Variants in PPARGC1B observed in about 807,000 individuals in gnomAD.
PPARGC1B encodes peroxisome proliferator-activated receptor gamma coactivator 1-beta.
PPARGC1B carries 34 observed loss-of-function variants against 101.6 expected under a neutral mutation model. The ratio of observed to expected loss-of-function variants is 0.33; its 90% CI spans 0.25 to 0.45. The LOEUF is 0.45. Among genes scored for constraint, PPARGC1B ranks in the 20% least tolerant of loss-of-function variants. The pLI is 1.00. For missense variants in PPARGC1B, 1,234 were observed against 1,317.6 expected (o/e 0.94, Z 0.98); for synonymous variants, 548 against 539.3 (o/e 1.02, Z -0.22).
Position 149,832,710 on chromosome 5 carries a change from T to C in PPARGC1B, c.637T>C (p.Cys213Arg), listed in dbSNP as rs1202567174. 10 of 1,578,030 alleles carry C rather than the reference T, an allele frequency of 6.3e-6. 1 individual carries two copies. The South Asian group carries it at 1.0e-4, about 16-fold the overall frequency. ...CATGATGCAGTCTCAGAGCCGAAGT[T>C]GTACAGAACTACATAAGCACCTCAC... ...APMMQSQSRS[C>R]TELHKHLTSA... is the part of the protein sequence containing the mutation. Residue 213 changes from cysteine (C) to arginine (R), a missense_variant, in exon 5 of 12, where the codon TGT (cysteine) becomes CGT (arginine). Physicochemically the swap from Cys to Arg is radical, Grantham distance 180. Coordinates refer to ENST00000309241, the MANE Select transcript of PPARGC1B (RefSeq NM_133263.4). The surrounding 1 kb of genome is among the most constrained non-coding windows in gnomAD (Gnocchi z 4.9).
At chr5:149,830,055 GA>G (rs71587791) in intron 3 of PPARGC1B, among the ~76,000 whole-genome samples, 21,456 of 89,522 alleles carry the variant, frequency 0.24, 2,125 homozygotes, top group African/African-American at 0.36. Flanking sequence ...AAAAAAAAAA[GA>G]AAAAAAAAAA....
Position 149,730,393 on chromosome 5 carries a change from C to T in PPARGC1B, c.51C>T (p.Phe17=). The change falls in exon 1 of 12, where the codon TTC becomes TTT. Residue 17 remains phenylalanine, a synonymous_variant. Coordinates refer to ENST00000309241, the MANE Select transcript of PPARGC1B (RefSeq NM_133263.4). The surrounding 1 kb of genome is among the most constrained non-coding windows in gnomAD (Gnocchi z 4.0). The part of the protein sequence containing the change: ...GALLDEELSS[F]FLNYLADTQG... ...TGCTGGACGAAGAGCTCTCCTCCTTCTTCCTCAACTATCTCGCTGACACGC... is the reference window on the plus strand; with the variant it reads ...TGCTGGACGAAGAGCTCTCCTCCTTTTTCCTCAACTATCTCGCTGACACGC... 1 of 1,573,312 alleles carries T rather than the reference C, an allele frequency of 6.4e-7. No homozygotes were observed. Among genetic ancestry groups the T allele is most frequent in the African/African-American group, 1.4e-5 (1 of 71,798 alleles).
chr5:149,769,522 A>C (rs532080806), intron 1 of PPARGC1B, among the ~76,000 whole-genome samples: 1 of 152,124 alleles, frequency 6.6e-6, no homozygotes, highest in South Asian at 2.1e-4. Flanking sequence ...TGGCTGAGAG[A>C]CACCCCCTAC....
chr5:149,812,454 G>A (rs1173977872), intron 1 of PPARGC1B, among the ~76,000 whole-genome samples: 2 of 152,054 alleles, frequency 1.3e-5, no homozygotes, highest in Middle Eastern at 3.2e-3. Flanking sequence ...AGGTAAGAGA[G>A]ATGAATAAGT....
chr5:149,824,933 G>A (rs1380058404), intron 2 of PPARGC1B, among the ~76,000 whole-genome samples: 1 of 152,220 alleles, frequency 6.6e-6, no homozygotes. Context: ...CTGCTGCTCC[G>A]GCTGTAAGGC....
At chr5:149,819,087 G>A (rs921011945) in intron 1 of PPARGC1B, among the ~76,000 whole-genome samples, 5 of 152,370 alleles carry the variant, frequency 3.3e-5, no homozygotes, top group African/African-American at 1.2e-4. Context: ...ATTGGCTTCT[G>A]ATTCAGTAGC....
In PPARGC1B at chr5:149,808,219, C is replaced by G. The variant is rs6892888; in HGVS notation, c.79-12214C>G. Among the ~76,000 whole-genome samples the G allele has an allele frequency of 2.6e-3, 390 of 152,228 alleles. 2 individuals are homozygous for G. The highest frequency in any genetic ancestry group is 9.0e-3 in the African/African-American group (373 of 41,530). On this transcript the variant is annotated intron_variant, in intron 1 of 11. Coordinates refer to ENST00000309241, the MANE Select transcript of PPARGC1B (RefSeq NM_133263.4). ...TTTTAAAATTGCATTAAAATATGAT[C>G]TACCTTGATGACTGAGTATTTTGAT...
rs1759874001 is a variant in PPARGC1B at position 149,854,162 on chromosome 5, G to A, written c.*6604G>A. On this transcript the variant is annotated 3_prime_UTR_variant, in exon 12 of 12. Transcript: ENST00000309241. Reference sequence around the variant, plus strand: ...CAGCCTAGAGAATTCTGAGCAATAGGAGCCAGGGCTTTCCCTGACTCTGCG... The same window carrying A: ...CAGCCTAGAGAATTCTGAGCAATAGAAGCCAGGGCTTTCCCTGACTCTGCG... 1 of 152,160 alleles carries A rather than the reference G, an allele frequency of 6.6e-6. No individual in the cohort carries two copies. The highest frequency in any genetic ancestry group is 1.5e-5 in the Non-Finnish European group (1 of 68,036). 9.4% of individuals were successfully genotyped at this position (152,160 alleles called of 1,614,324 possible).
chr5:149,739,731 C>T (rs1018032999), intron 1 of PPARGC1B, among the ~76,000 whole-genome samples: 2 of 152,204 alleles, frequency 1.3e-5, no homozygotes, highest in Non-Finnish European at 1.5e-5. Context: ...AGGTCTACCA[C>T]CACCCCTGGA....
intron 1 of PPARGC1B, among the ~76,000 whole-genome samples, chr5:149,736,100 C>G (rs1754697596): frequency 1.3e-5 from 2 of 152,126 alleles, no homozygotes; most frequent in Non-Finnish European, 2.9e-5. Flanking sequence ...TGAGATTGCA[C>G]CACTGCACTC....
intron 1 of PPARGC1B, among the ~76,000 whole-genome samples, chr5:149,777,307 T>A (rs749501347): frequency 6.6e-6 from 1 of 152,114 alleles, no homozygotes; most frequent in Non-Finnish European, 1.5e-5. Context: ...TGTGGAAACT[T>A]TAGAGGGAAG....
chr5:149,827,005 A>T, intron 3 of PPARGC1B, 120 bp downstream of exon 3: 2 of 795,954 alleles, frequency 2.5e-6, no homozygotes, highest in Non-Finnish European at 4.1e-6. Flanking sequence ...ATCACTGGCA[A>T]TATTGATCAC....
rs896874261 is a variant in PPARGC1B, at chr5:149,849,001, C to A, written c.*1443C>A. ...TTTCCAGCTTAATGTTCTGTGGGTA[C>A]CTTGGGGGCCATTCATGCAGGGAGC... On this transcript the variant is annotated 3_prime_UTR_variant, in exon 12 of 12. Coordinates refer to ENST00000309241, the MANE Select transcript of PPARGC1B (RefSeq NM_133263.4). The A allele has an allele frequency of 1.3e-5, 2 of 152,106 alleles. No homozygotes were observed. Among genetic ancestry groups the A allele is most frequent in the Non-Finnish European group, 2.9e-5 (2 of 68,002 alleles). 9.4% of individuals were successfully genotyped at this position (152,106 alleles called of 1,614,324 possible). A position where few individuals can be genotyped will look rare whatever the true frequency, so the allele number is the denominator to read the frequency against.
rs558359440 is a variant in PPARGC1B, at chr5:149,823,844, G to A, written c.253-2829G>A. 2.6e-4 allele frequency among the ~76,000 whole-genome samples: 39 copies of A among 152,182 alleles called. No individual in the cohort carries two copies. The South Asian group carries it at 5.6e-3, about 22-fold the overall frequency. Reference sequence around the variant, plus strand: ...TTGATGGGTGCTTCTTGAGGTCTTCGCCATTTTGGACTCATTTCAGCACCG... The same window carrying A: ...TTGATGGGTGCTTCTTGAGGTCTTCACCATTTTGGACTCATTTCAGCACCG... On this transcript the variant is annotated intron_variant, in intron 2 of 11. Transcript: ENST00000309241.
chr5:149,798,113 T>A (rs560965937), intron 1 of PPARGC1B, among the ~76,000 whole-genome samples: 1 of 152,330 alleles, frequency 6.6e-6, no homozygotes, highest in East Asian at 1.9e-4. Flanking sequence ...AGGTTGAGTG[T>A]CTTGGCCAGG....
chr5:149,784,828 A>G (rs1229818566), intron 1 of PPARGC1B, among the ~76,000 whole-genome samples: 1 of 151,666 alleles, frequency 6.6e-6, no homozygotes, highest in Admixed American at 6.6e-5. Flanking sequence ...TGGCCTCCCA[A>G]AGTGCTGGGA....
intron 2 of PPARGC1B, among the ~76,000 whole-genome samples, chr5:149,824,815 TCAGGCCCAAC>T (rs2113370192): frequency 1.3e-5 from 2 of 152,216 alleles, no homozygotes; most frequent in South Asian, 4.2e-4. Flanking sequence ...AGGGCCTGGG[TCAGGCCCAAC>T]CAAAATCTTC....
At chr5:149,819,202 G>A (rs1365893564) in intron 1 of PPARGC1B, among the ~76,000 whole-genome samples, 1 of 152,188 alleles carries the variant, frequency 6.6e-6, no homozygotes, top group Non-Finnish European at 1.5e-5. Flanking sequence ...ACTGATTCAG[G>A]CAATGCTGTT....
chr5:149,769,352 G>A (rs1262184211), intron 1 of PPARGC1B, among the ~76,000 whole-genome samples: 2 of 152,196 alleles, frequency 1.3e-5, no homozygotes, highest in Non-Finnish European at 1.5e-5. Context: ...CTGAAGGCTG[G>A]GGATCCTGGT....
Sources: gnomAD v4.1 joint callset for allele counts (sites outside exome capture counted in the v4.1 genomes callset) on GRCh38, gnomAD v4.1.1 for gene constraint, Gnocchi (gnomAD v3.1) non-coding constraint, MANE v1.5 for transcripts, NCBI Gene and HGNC (gene_info 2026-07-23, HGNC 2026-07-21) for gene names.